Variants in RHAG observed in about 807,000 individuals in gnomAD.
RHAG encodes the protein ammonium transporter Rh type A.
A neutral mutation model predicts 42.4 loss-of-function variants in RHAG; 25 were observed. The ratio of observed to expected loss-of-function variants is 0.59; its 90% CI spans 0.43 to 0.82. The LOEUF is 0.82. RHAG is among the 40% of genes least tolerant of loss of function. The pLI is 0.00. For missense variants in RHAG, 483 were observed against 504.6 expected (o/e 0.96, Z 0.41); for synonymous variants, 182 against 177.7 (o/e 1.02, Z -0.19).
chr6:49,627,306 C>T (rs766032513), intron 1 of RHAG, among the ~76,000 whole-genome samples: 4 of 152,222 alleles, frequency 2.6e-5, no homozygotes, highest in Non-Finnish European at 4.4e-5. Flanking sequence ...AATCATCTCT[C>T]TCAAGTTCAA....
chr6:49,614,121 C>T (rs948537830), intron 5 of RHAG, among the ~76,000 whole-genome samples: 2 of 152,112 alleles, frequency 1.3e-5, no homozygotes, highest in African/African-American at 2.4e-5. Flanking sequence ...ACAAGACTAC[C>T]TTCATTCTCT....
At chr6:49,632,659 T>A (rs1419310314) in intron 1 of RHAG, among the ~76,000 whole-genome samples, 1 of 152,082 alleles carries the variant, frequency 6.6e-6, no homozygotes, top group Non-Finnish European at 1.5e-5. Context: ...AATGAGCCAA[T>A]CAAAGTACAG....
At chr6:49,625,589 A>G (rs988999457) in intron 1 of RHAG, among the ~76,000 whole-genome samples, 2 of 152,178 alleles carry the variant, frequency 1.3e-5, no homozygotes, top group African/African-American at 4.8e-5. Flanking sequence ...ACAGGATACA[A>G]TTTCACCATC....
intron 1 of RHAG, among the ~76,000 whole-genome samples, chr6:49,633,015 A>T (rs1288037162): frequency 1.3e-5 from 2 of 152,202 alleles, no homozygotes; most frequent in Admixed American, 1.3e-4. Flanking sequence ...ATTCAGGTAC[A>T]TAACATAGTT....
At chr6:49,605,901 CAA>C in intron 9 of RHAG, 71 bp from the exon 10 acceptor site, 1 of 1,254,634 alleles carries the variant, frequency 8.0e-7, no homozygotes, top group Admixed American at 1.7e-5. Flanking sequence ...AGTATTGAAA[CAA>C]AAATATTTTT....
intron 5 of RHAG, among the ~76,000 whole-genome samples, chr6:49,613,110 C>G (rs1762594286): frequency 6.7e-6 from 1 of 149,508 alleles, no homozygotes; most frequent in Admixed American, 6.7e-5. Flanking sequence ...TGCTCTGTCT[C>G]CCAGGCTGGA....
chr6:49,610,612 A>C (rs531810194), intron 7 of RHAG, among the ~76,000 whole-genome samples: 1 of 152,162 alleles, frequency 6.6e-6, no homozygotes, highest in African/African-American at 2.4e-5. Flanking sequence ...CTGCAGAACC[A>C]ACTGCTTTCT....
At chr6:49,619,505 T>G in intron 1 of RHAG, 143 bp from the exon 2 acceptor site, 1 of 852,444 alleles carries the variant, frequency 1.2e-6, no homozygotes, top group Non-Finnish European at 1.9e-6. Context: ...AGCAAAAGTC[T>G]TGTTCCAATG....
chr6:49,608,299 C>A (rs1762507990), intron 7 of RHAG, among the ~76,000 whole-genome samples: 1 of 152,084 alleles, frequency 6.6e-6, no homozygotes, highest in Non-Finnish European at 1.5e-5. Flanking sequence ...GAGAACATCT[C>A]CTCTGAACAT....
chr6:49,613,131 G>A (rs568496670), intron 5 of RHAG, among the ~76,000 whole-genome samples: 1 of 150,492 alleles, frequency 6.6e-6, no homozygotes, highest in Admixed American at 6.6e-5. Context: ...GTGCAGCAGC[G>A]CGATCTTGGC....
chr6:49,615,141 G>A (rs1762631925), intron 4 of RHAG: 1 of 344,976 alleles, frequency 2.9e-6, no homozygotes, highest in Non-Finnish European at 5.5e-6. Context: ...TAGTAGAGAC[G>A]GGGTTTCAGC....
At chr6:49,618,280 G>T in intron 2 of RHAG, 62 bp from the exon 3 acceptor site, 1 of 1,580,716 alleles carries the variant, frequency 6.3e-7, no homozygotes, top group Non-Finnish European at 8.7e-7. Flanking sequence ...TGACCAAAGT[G>T]CAATCCCATC....
At position 49,611,006 on chromosome 6, in the gene RHAG, A is replaced by C. The variant is rs2127350608; in HGVS notation, c.1067+18T>G. 1 of 1,613,476 alleles carries C rather than the reference A, an allele frequency of 6.2e-7. No homozygotes were observed. ...ATCATGGGACCACAGGGGCTGAAAAACCCATTCTTTTACTCACGTGTTGGA... is the reference window on the plus strand; with the variant it reads ...ATCATGGGACCACAGGGGCTGAAAACCCCATTCTTTTACTCACGTGTTGGA... On this transcript the variant is annotated intron_variant, in intron 7 of 9. Transcript: ENST00000371175.
Position 49,605,831 on chromosome 6 carries a change from CT to C in RHAG, c.1213-2del. The C allele has an allele frequency of 6.2e-7, 1 of 1,612,804 alleles. No homozygotes were observed. Among genetic ancestry groups the C allele is most frequent in the Non-Finnish European group, 8.5e-7 (1 of 1,178,992 alleles). ...TGTCAAGTTATCTCGTCTTAGGGAC[CT>C]TTAAAAAAACAAGTTTGAGGGCACT... On this transcript the variant is annotated splice_acceptor_variant, in intron 9 of 9. Coordinates refer to ENST00000371175, the MANE Select transcript of RHAG (RefSeq NM_000324.3). LOFTEE classifies it high-confidence loss of function.
intron 1 of RHAG, among the ~76,000 whole-genome samples, chr6:49,632,741 A>G (rs192438183): frequency 6.6e-6 from 1 of 152,264 alleles, no homozygotes; most frequent in East Asian, 1.9e-4. Flanking sequence ...TCCCCTAGAT[A>G]TTAAATACCT....
chr6:49,619,354 C>A lies in RHAG; in HGVS notation c.166G>T (p.Asp56Tyr). ...IFFELYPLFQ[D>Y]VHVMIFVGFG... ...CCAACAAATATCATAACATGTACAT[C>A]TTGGAACACTGGAAAAGAGGAAAGG... is the stretch of plus-strand genomic sequence containing the variant. The change falls in exon 2 of 10, where the codon GAT becomes TAT. Residue 56 changes from aspartate (D) to tyrosine (Y), a missense_variant. Transcript: ENST00000371175. 1 of 1,613,788 alleles carries A rather than the reference C, an allele frequency of 6.2e-7. No individual in the cohort carries two copies. The highest frequency in any genetic ancestry group is 8.5e-7 in the Non-Finnish European group (1 of 1,179,864).
At chr6:49,608,691 G>A (rs922013842) in intron 7 of RHAG, among the ~76,000 whole-genome samples, 1 of 151,984 alleles carries the variant, frequency 6.6e-6, no homozygotes, top group African/African-American at 2.4e-5. Context: ...TACTTCTTAA[G>A]AACTTTTCCA....
intron 1 of RHAG, among the ~76,000 whole-genome samples, chr6:49,624,078 T>C (rs543524939): frequency 2.0e-4 from 31 of 152,302 alleles, no homozygotes; most frequent in African/African-American, 6.5e-4. Flanking sequence ...TAAAAGAGAA[T>C]AGTGAAAAGT....
chr6:49,625,644 C>T (rs1218966169), intron 1 of RHAG, among the ~76,000 whole-genome samples: 2 of 152,174 alleles, frequency 1.3e-5, no homozygotes, highest in Non-Finnish European at 2.9e-5. Context: ...GCATCCTCAA[C>T]GTCATCTCAT....
Sources: allele counts gnomAD v4.1 joint callset (sites outside exome capture counted in the v4.1 genomes callset), GRCh38; gene constraint gnomAD v4.1.1; transcripts MANE v1.5; gene names NCBI Gene and HGNC (gene_info 2026-07-23, HGNC 2026-07-21).